ERCC6: variants seen among roughly 807,000 people sequenced by gnomAD.
ERCC6 encodes DNA excision repair protein ERCC-6.
ERCC6 carries 116 observed loss-of-function variants against 158.7 expected under a neutral mutation model. The observed-to-expected ratio is 0.73, with a 90% CI of 0.63 to 0.85. The LOEUF is 0.85. Ranked by LOEUF, ERCC6 falls within the 40% of genes least tolerant of loss-of-function variation. The pLI is 0.00. For synonymous variants in ERCC6, 678 were observed against 659.3 expected (o/e 1.03, Z -0.43); for missense variants, 1,698 against 1,799.4 (o/e 0.94, Z 1.02).
intron 8 of ERCC6, among the ~76,000 whole-genome samples, chr10:49,486,232 A>G (rs895244102): frequency 2.0e-5 from 3 of 152,200 alleles, no homozygotes; most frequent in African/African-American, 7.2e-5. Context: ...AGAAAGTCAG[A>G]TCAAAGAAAA....
chr10:49,447,500 AT>A, the ERCC6 span, among the ~76,000 whole-genome samples: 1 of 152,148 alleles, frequency 6.6e-6, no homozygotes, highest in African/African-American at 2.4e-5. Flanking sequence ...ATCCTGGTTA[AT>A]ATGGTGAAAC....
chr10:49,532,215 C>T (rs1837485044), intron 2 of ERCC6, among the ~76,000 whole-genome samples: 1 of 152,176 alleles, frequency 6.6e-6, no homozygotes, highest in African/African-American at 2.4e-5. Flanking sequence ...CCTGGCATCT[C>T]GAATAGGAAA....
chr10:49,505,748 G>C, intron 6 of ERCC6, 136 bp downstream of exon 6: 1 of 943,646 alleles, frequency 1.1e-6, no homozygotes, highest in Non-Finnish European at 1.6e-6. Flanking sequence ...AATTTCATTT[G>C]ACAGTATCTG....
At chr10:49,505,040 C>T (rs1485312192) in intron 6 of ERCC6, 3 of 152,138 alleles carry the variant, frequency 2.0e-5, no homozygotes, top group South Asian at 4.1e-4. Context: ...TTAATCATCT[C>T]GAACAAAGAA....
intron 5 of ERCC6, chr10:49,516,179 C>G (rs746998291): frequency 1.2e-6 from 2 of 1,614,174 alleles, no homozygotes; most frequent in African/African-American, 2.7e-5. Context: ...TACCCTGATA[C>G]GGCTGAAACC....
chr10:49,444,031 G>A, the ERCC6 span, among the ~76,000 whole-genome samples: 1 of 152,192 alleles, frequency 6.6e-6, no homozygotes, highest in Non-Finnish European at 1.5e-5. Flanking sequence ...CTCAGATGGG[G>A]CAGGTGGCGG....
Position 49,523,095 on chromosome 10 carries a change from A to G in ERCC6, c.1397+938T>C, listed in dbSNP as rs568520317. On this transcript the variant is annotated intron_variant, in intron 5 of 20. Coordinates refer to ENST00000355832, the MANE Select transcript of ERCC6 (RefSeq NM_000124.4). ...CTCACAAAGGCCAATAAATACAACA[A>G]ACTAGGTCTCTTCACCTTGAGAAAT... Among the ~76,000 whole-genome samples the G allele has an allele frequency of 2.0e-5, 3 of 152,324 alleles. No homozygotes were observed. The East Asian group carries it at 5.8e-4, about 29-fold the overall frequency.
intron 1 of ERCC6, among the ~76,000 whole-genome samples, chr10:49,535,676 T>C (rs978553115): frequency 4.6e-5 from 7 of 152,178 alleles, no homozygotes; most frequent in Admixed American, 6.5e-5. Flanking sequence ...TGTAAAATAA[T>C]ATCAAAAAGC....
chr10:49,474,163 C>T lies in ERCC6; in HGVS notation c.2462G>A (p.Gly821Asp). 1 of 1,614,092 alleles carries T rather than the reference C, an allele frequency of 6.2e-7. No individual in the cohort carries two copies. Among genetic ancestry groups the T allele is most frequent in the Non-Finnish European group, 8.5e-7 (1 of 1,180,012 alleles). The change falls in exon 13 of 21, where the codon GGT becomes GAT. Residue 821 changes from glycine to aspartate, a missense_variant. Gly to Asp is a moderately conservative substitution (Grantham distance 94). Coordinates refer to ENST00000355832, the MANE Select transcript of ERCC6 (RefSeq NM_000124.4). ...LFSGGPKNLK[G>D]LPDDELEEDQ... ...TTCTTCTAGTTCATCATCAGGAAGA[C>T]CTTTGAGATTCTTGGGACCTCCAGA...
At chr10:49,472,851 T>C in intron 15 of ERCC6, 58 bp downstream of exon 15, 9 of 1,590,672 alleles carry the variant, frequency 5.7e-6, no homozygotes, top group Non-Finnish European at 7.7e-6. Flanking sequence ...TCAAAAGCGC[T>C]AACCATGAAA....
downstream of ERCC6, among the ~76,000 whole-genome samples, chr10:49,452,543 G>A (rs1466685567): frequency 3.3e-5 from 5 of 152,124 alleles, no homozygotes; most frequent in Non-Finnish European, 5.9e-5. Flanking sequence ...ATTTGATAAT[G>A]TATATGCTGT....
intron 11 of ERCC6, among the ~76,000 whole-genome samples, chr10:49,477,804 T>C (rs1032184230): frequency 2.0e-5 from 3 of 152,204 alleles, no homozygotes; most frequent in Admixed American, 2.0e-4. Flanking sequence ...CTTCGCCTTC[T>C]TTAGGCCTCT....
At chr10:49,472,761 T>C (rs1850803700) in intron 15 of ERCC6, 148 bp downstream of exon 15, 1 of 943,026 alleles carries the variant, frequency 1.1e-6, no homozygotes, top group Admixed American at 2.5e-5. Context: ...CTCTGAAGGG[T>C]GTCTTCTTTC....
chr10:49,533,530 C>T (rs1296970000), intron 1 of ERCC6, among the ~76,000 whole-genome samples: 1 of 152,228 alleles, frequency 6.6e-6, no homozygotes, highest in Non-Finnish European at 1.5e-5. Context: ...GTCCTGTAAT[C>T]CCAGCACTTT....
Position 49,527,606 on chromosome 10 carries a change from C to T in ERCC6, c.652+811G>A, listed in dbSNP as rs146793319. Among the ~76,000 whole-genome samples the T allele has an allele frequency of 7.2e-5, 11 of 152,312 alleles. No individual in the cohort carries two copies. In the East Asian group the frequency reaches 2.1e-3, roughly 29 times the overall value. ...AGGAGAATCGCTTGAACCCGGGAGGCAGAGGTTGCAGTGAGCTGAGATGGT... is the reference window on the plus strand; with the variant it reads ...AGGAGAATCGCTTGAACCCGGGAGGTAGAGGTTGCAGTGAGCTGAGATGGT... On this transcript the variant is annotated intron_variant, in intron 4 of 20. Transcript: ENST00000355832.
chr10:49,483,550 A>C lies in ERCC6; in HGVS notation c.1822-34T>G, dbSNP rs760330629. 13 of 1,603,216 alleles carry C rather than the reference A, an allele frequency of 8.1e-6. No homozygotes were observed. The Admixed American group carries it at 1.0e-4, about 12-fold the overall frequency. Reference sequence around the variant, plus strand: ...ACAATAAAATGGTAAAGTCAGTTTTAAATAAGAAGTGACACCCTTTCAATC... The same window carrying C: ...ACAATAAAATGGTAAAGTCAGTTTTCAATAAGAAGTGACACCCTTTCAATC... On this transcript the variant is annotated intron_variant, in intron 8 of 20. Transcript: ENST00000355832.
In ERCC6 at chr10:49,474,125, A is replaced by T; in HGVS notation, c.2500T>A (p.Tyr834Asn). The T allele has an allele frequency of 6.2e-7, 1 of 1,614,154 alleles. No individual in the cohort carries two copies. Among genetic ancestry groups the T allele is most frequent in the Non-Finnish European group, 8.5e-7 (1 of 1,180,026 alleles). ...ATCATTTTCCCAGAACGTTTCCAGT[A>T]CCCAAACTGATCTTCTTCTAGTTCA... ...DDELEEDQFG[Y>N]WKRSGKMIVV... Residue 834 changes from tyrosine to asparagine, a missense_variant, in exon 13 of 21, where the codon TAC becomes AAC. By Grantham distance (143) the Tyr-to-Asn change is moderately radical. Transcript: ENST00000355832.
intron 5 of ERCC6, among the ~76,000 whole-genome samples, chr10:49,507,520 T>C (rs1851464480): frequency 6.6e-6 from 1 of 152,206 alleles, no homozygotes; most frequent in Admixed American, 6.5e-5. Context: ...GTATTTTTTT[T>C]CCTTAAAAAT....
At position 49,515,719 on chromosome 10, in the gene ERCC6, C is replaced by T. The variant is rs767583868; in HGVS notation, c.1397+8314G>A. On this transcript the variant is annotated intron_variant, in intron 5 of 20. Transcript: ENST00000355832. ...CGATACTTATCAATGTTTTCATCAGCTCTGTCTACGCCTCCCATGAACTGG... is the reference window on the plus strand; with the variant it reads ...CGATACTTATCAATGTTTTCATCAGTTCTGTCTACGCCTCCCATGAACTGG... 1.4e-5 allele frequency: 22 copies of T among 1,614,020 alleles called. No individual in the cohort carries two copies. In the Admixed American group the frequency reaches 2.2e-4, roughly 16 times the overall value.
Sources: allele counts gnomAD v4.1 joint callset (sites outside exome capture counted in the v4.1 genomes callset), GRCh38; gene constraint gnomAD v4.1.1; transcripts MANE v1.5; gene names NCBI Gene and HGNC (gene_info 2026-07-23, HGNC 2026-07-21).